Variants in GRIK4 observed in about 807,000 individuals in gnomAD.
The protein encoded by GRIK4 is glutamate ionotropic receptor kainate type subunit 4.
In GRIK4, 40 loss-of-function variants were observed where a neutral mutation model predicts 104.9. The observed-to-expected ratio is 0.38, with a 90% CI of 0.30 to 0.50. The LOEUF is 0.50. GRIK4 is among the 20% of genes least tolerant of loss of function. GRIK4 has a pLI of 0.93. For synonymous variants in GRIK4, 485 were observed against 524.9 expected, an observed-to-expected ratio of 0.92 and a Z score of 1.04; for missense variants, 1,047 against 1,308.1, an observed-to-expected ratio of 0.80 and a Z score of 3.08.
intron 3 of GRIK4, among the ~76,000 whole-genome samples, chr11:120,692,569 T>C (rs1397014421): frequency 6.6e-6 from 1 of 152,078 alleles, no homozygotes; most frequent in Admixed American, 6.5e-5. Context: ...GAGAGACACG[T>C]CCCTGGAGCT....
intron 6 of GRIK4, among the ~76,000 whole-genome samples, chr11:120,825,265 G>T (rs978633110): frequency 1.3e-5 from 2 of 152,092 alleles, no homozygotes; most frequent in African/African-American, 2.4e-5. Flanking sequence ...TGGTTACATG[G>T]CCTGTGTCCC....
chr11:120,901,984 T>C (rs371604596), intron 12 of GRIK4, among the ~76,000 whole-genome samples: 2 of 152,316 alleles, frequency 1.3e-5, no homozygotes, highest in East Asian at 1.9e-4. Context: ...TTCTTGCGCG[T>C]GTGTGCCTAC....
intron 3 of GRIK4, among the ~76,000 whole-genome samples, chr11:120,797,748 A>G (rs1952547569): frequency 6.6e-6 from 1 of 152,232 alleles, no homozygotes; most frequent in African/African-American, 2.4e-5. Context: ...TGAGTTGGCA[A>G]TGACCTGCCT....
chr11:120,543,235 C>A (rs1948054207), intron 1 of GRIK4, among the ~76,000 whole-genome samples: 1 of 152,058 alleles, frequency 6.6e-6, no homozygotes, highest in African/African-American at 2.4e-5. Flanking sequence ...GTATAATAAA[C>A]CTGCACATGT....
At chr11:120,955,058 T>A (rs1349997035) in intron 15 of GRIK4, among the ~76,000 whole-genome samples, 1 of 152,204 alleles carries the variant, frequency 6.6e-6, no homozygotes, top group Non-Finnish European at 1.5e-5. Context: ...AAAAAATGTC[T>A]GAAAACAACA....
chr11:120,977,386 T>C (rs966238225), intron 19 of GRIK4, among the ~76,000 whole-genome samples: 3 of 152,240 alleles, frequency 2.0e-5, no homozygotes, highest in Admixed American at 2.0e-4. Flanking sequence ...CCTTGTAGGC[T>C]GGAGGGAGTC....
At position 120,819,940 on chromosome 11, in the gene GRIK4, C is replaced by T; in HGVS notation, c.511+20C>T. ...CAGAATGTAAGTTTCCCCAGGCTGGCTCTGCCCCAGACAGTCCAGTCTTGT... is the reference window on the plus strand; with the variant it reads ...CAGAATGTAAGTTTCCCCAGGCTGGTTCTGCCCCAGACAGTCCAGTCTTGT... On this transcript the variant is annotated intron_variant, in intron 6 of 20. Transcript: ENST00000527524. This position sits in a 1 kb window ranked among gnomAD's most constrained non-coding sequence, Gnocchi z 4.3. 6.2e-7 allele frequency: 1 copy of T among 1,611,986 alleles called. No homozygotes were observed. Among genetic ancestry groups the T allele is most frequent in the Non-Finnish European group, 8.5e-7 (1 of 1,179,350 alleles).
intron 3 of GRIK4, among the ~76,000 whole-genome samples, chr11:120,799,997 G>A (rs1480115186): frequency 6.7e-6 from 1 of 148,314 alleles, no homozygotes; most frequent in Non-Finnish European, 1.5e-5. Flanking sequence ...ACAAATGCCT[G>A]CCACCATGCC....
intron 3 of GRIK4, among the ~76,000 whole-genome samples, chr11:120,662,863 G>A (rs1198396542): frequency 6.6e-6 from 1 of 152,224 alleles, no homozygotes; most frequent in East Asian, 1.9e-4. Flanking sequence ...GTCTGCTGGT[G>A]ACAATATGGA....
intron 11 of GRIK4, among the ~76,000 whole-genome samples, chr11:120,883,322 A>G (rs1955021132): frequency 6.6e-6 from 1 of 152,216 alleles, no homozygotes; most frequent in Non-Finnish European, 1.5e-5. Context: ...CAAGTTGTTC[A>G]AGAGAGATTT....
At chr11:120,970,245 C>T (rs896682460) in intron 19 of GRIK4, among the ~76,000 whole-genome samples, 5 of 152,138 alleles carry the variant, frequency 3.3e-5, no homozygotes, top group African/African-American at 9.7e-5. Flanking sequence ...TGACGGAAGG[C>T]GTGTGGTGGT....
At chr11:120,550,143 G>A (rs1417764569) in intron 1 of GRIK4, among the ~76,000 whole-genome samples, 3 of 152,082 alleles carry the variant, frequency 2.0e-5, no homozygotes, top group Non-Finnish European at 4.4e-5. Flanking sequence ...GGAGGCTGGT[G>A]CAGCGTCACA....
At position 120,988,131 on chromosome 11, in the gene GRIK4, G is replaced by T. The variant is rs1414765489; in HGVS notation, c.*1871G>T. The T allele has an allele frequency of 6.6e-6, 1 of 152,212 alleles. No homozygotes were observed. Among genetic ancestry groups the T allele is most frequent in the Non-Finnish European group, 1.5e-5 (1 of 68,044 alleles). 9.4% of individuals were successfully genotyped at this position (152,212 alleles called of 1,614,324 possible). On this transcript the variant is annotated 3_prime_UTR_variant, in exon 21 of 21. Transcript: ENST00000527524. ...GCCAAATGGTACCCTGATTATTCCT[G>T]TGAGGGATACTCGTTTTGTCCTCAC...
Position 120,555,137 on chromosome 11 carries a change from C to T in GRIK4, c.-159+43250C>T, listed in dbSNP as rs1022053868. On this transcript the variant is annotated intron_variant, in intron 1 of 20. Coordinates refer to ENST00000527524, the MANE Select transcript of GRIK4 (RefSeq NM_014619.5). This position sits in a 1 kb window ranked among gnomAD's most constrained non-coding sequence, Gnocchi z 5.3. ...CCAGATGTCCTCCAGGCCCTGCACG[C>T]GCAGGTCACCATGTTATCTATCCAT... 3.3e-5 allele frequency among the ~76,000 whole-genome samples: 5 copies of T among 152,258 alleles called. No individual in the cohort carries two copies. Among genetic ancestry groups the T allele is most frequent in the South Asian group, 4.1e-4 (2 of 4,838 alleles).
chr11:120,608,737 C>T (rs1469395389), intron 1 of GRIK4, among the ~76,000 whole-genome samples: 5 of 152,212 alleles, frequency 3.3e-5, no homozygotes, highest in Non-Finnish European at 5.9e-5. Context: ...GAAGGTGCCC[C>T]AGAAGCTGAC....
chr11:120,731,004 G>T (rs905709359), intron 3 of GRIK4, among the ~76,000 whole-genome samples: 2 of 152,126 alleles, frequency 1.3e-5, no homozygotes, highest in African/African-American at 4.8e-5. Context: ...CATATCATCT[G>T]CAAACAAGGA....
intron 9 of GRIK4, chr11:120,871,786 G>C (rs1565406038): frequency 2.2e-6 from 1 of 456,394 alleles, no homozygotes; most frequent in Non-Finnish European, 4.4e-6. Context: ...AGGAGGAGAA[G>C]CAGCAGCAAG....
chr11:120,905,320 C>A lies in GRIK4; in HGVS notation c.1303C>A (p.His435Asn). 6.2e-7 allele frequency: 1 copy of A among 1,613,890 alleles called. No homozygotes were observed. Among genetic ancestry groups the A allele is most frequent in the African/African-American group, 1.3e-5 (1 of 75,072 alleles). ...CCCATATTTAATGCTGAAGGGGAAC[C>A]ACCAGGAGATGGAAGGCAATGACCG... ...ENPYLMLKGN[H>N]QEMEGNDRYE... Residue 435 changes from histidine (H) to asparagine (N), a missense_variant, in exon 13 of 21, where the codon CAC (histidine) becomes AAC (asparagine). Transcript: ENST00000527524. The surrounding 1 kb of genome is among the most constrained non-coding windows in gnomAD (Gnocchi z 5.1).
In GRIK4 at chr11:120,555,781, C is replaced by T. The variant is rs1948180379; in HGVS notation, c.-159+43894C>T. Among the ~76,000 whole-genome samples, 2 of 152,116 alleles carry T rather than the reference C, an allele frequency of 1.3e-5. No individual in the cohort carries two copies. Among genetic ancestry groups the T allele is most frequent in the Admixed American group, 6.5e-5 (1 of 15,278 alleles). On this transcript the variant is annotated intron_variant, in intron 1 of 20. Coordinates refer to ENST00000527524, the MANE Select transcript of GRIK4 (RefSeq NM_014619.5). This position sits in a 1 kb window ranked among gnomAD's most constrained non-coding sequence, Gnocchi z 5.3. ...TTACTTCATCCTTGTCCTCAGAGGCCTTGGGGCTTCTTCCCACCGTCATTA... is the reference window on the plus strand; with the variant it reads ...TTACTTCATCCTTGTCCTCAGAGGCTTTGGGGCTTCTTCCCACCGTCATTA...
Sources: allele counts gnomAD v4.1 joint callset (sites outside exome capture counted in the v4.1 genomes callset), GRCh38; gene constraint gnomAD v4.1.1; non-coding constraint Gnocchi (gnomAD v3.1); transcripts MANE v1.5; gene names NCBI Gene and HGNC (gene_info 2026-07-23, HGNC 2026-07-21).